The following SPEN variants were observed in gnomAD, a reference collection of about 807,000 sequenced individuals.
SPEN encodes msx2-interacting protein.
Under a neutral mutation model 269.9 loss-of-function variants are expected in SPEN, and 18 were observed. That is an observed-to-expected ratio of 0.07 (90% CI 0.05 to 0.10). The LOEUF is 0.10. Ranked by LOEUF, SPEN falls within the 10% of genes least tolerant of loss-of-function variation. The pLI is 1.00. For missense variants in SPEN, 3,822 were observed against 4,631.2 expected, an observed-to-expected ratio of 0.83 and a Z score of 5.07; for synonymous variants, 1,726 against 1,765.7, an observed-to-expected ratio of 0.98 and a Z score of 0.56.
rs748116033 is a variant in SPEN, at chr1:15,929,918, A to G, written c.3678A>G (p.Lys1226=). The G allele has an allele frequency of 2.5e-6, 4 of 1,614,152 alleles. No individual in the cohort carries two copies. The highest frequency in any genetic ancestry group is 3.4e-6 in the Non-Finnish European group (4 of 1,180,038). ...QDVTDDSPPS[K]KKRMDHVDFD... ...TCACTGATGACTCTCCTCCTAGCAA[A>G]AAGAAAAGGATGGATCATGTCGATT... The change falls in exon 11 of 15, where the codon AAA becomes AAG. Residue 1226 remains lysine, a synonymous_variant. Coordinates refer to ENST00000375759, the MANE Select transcript of SPEN (RefSeq NM_015001.3). This position sits in a 1 kb window ranked among gnomAD's most constrained non-coding sequence, Gnocchi z 5.8.
At position 15,848,468 on chromosome 1, in the gene SPEN, T is replaced by C. The variant is rs1463098664; in HGVS notation, c.83+318T>C. Among the ~76,000 whole-genome samples the C allele has an allele frequency of 1.3e-5, 2 of 150,924 alleles. No individual in the cohort carries two copies. Among genetic ancestry groups the C allele is most frequent in the African/African-American group, 2.4e-5 (1 of 41,022 alleles). Reference sequence around the variant, plus strand: ...GGCTGCCCTCGCGTCAGCCCGGGAGTCGGTGGGAGATGCGCTGGGCGGCGG... The same window carrying C: ...GGCTGCCCTCGCGTCAGCCCGGGAGCCGGTGGGAGATGCGCTGGGCGGCGG... On this transcript the variant is annotated intron_variant, in intron 1 of 14. Coordinates refer to ENST00000375759, the MANE Select transcript of SPEN (RefSeq NM_015001.3). This position sits in a 1 kb window ranked among gnomAD's most constrained non-coding sequence, Gnocchi z 5.1.
Position 15,939,488 on chromosome 1 carries a change from C to CA in SPEN, c.*63dup. On this transcript the variant is annotated 3_prime_UTR_variant, in exon 15 of 15. Transcript: ENST00000375759. This position sits in a 1 kb window ranked among gnomAD's most constrained non-coding sequence, Gnocchi z 4.1. ...AGGGCTCTGCAGTAAAAACAAAGGACAACCCAGCCAAGCAGAGGAAGAAGC... is the reference window on the plus strand; with the variant it reads ...AGGGCTCTGCAGTAAAAACAAAGGACAAACCCAGCCAAGCAGAGGAAGAAGC... 6.8e-7 allele frequency: 1 copy of CA among 1,467,346 alleles called. No individual in the cohort carries two copies. Among genetic ancestry groups the CA allele is most frequent in the Non-Finnish European group, 9.1e-7 (1 of 1,102,948 alleles). The allele number at this position is 1,467,346 out of a possible 1,614,324, so 90.9% of individuals were successfully genotyped here. A position where few individuals can be genotyped will look rare whatever the true frequency, so the allele number is the denominator to read the frequency against.
intron 6 of SPEN, among the ~76,000 whole-genome samples, chr1:15,918,497 G>T (rs2071087238): frequency 6.6e-6 from 1 of 152,264 alleles, no homozygotes; most frequent in Admixed American, 6.5e-5. Flanking sequence ...AGGATTACAG[G>T]CGTGAGCCAC....
chr1:15,927,315 G>C (rs1367553592), intron 10 of SPEN, among the ~76,000 whole-genome samples: 1 of 152,118 alleles, frequency 6.6e-6, no homozygotes, highest in East Asian at 1.9e-4. Flanking sequence ...CTGAGGCCAA[G>C]TACCTGCCTA....
chr1:15,885,209 AT>A (rs575141801), intron 3 of SPEN, among the ~76,000 whole-genome samples: 6 of 149,196 alleles, frequency 4.0e-5, no homozygotes, highest in Non-Finnish European at 3.0e-5. Context: ...GTGATTCTTT[AT>A]TTTTTTTTTG....
intron 3 of SPEN, among the ~76,000 whole-genome samples, chr1:15,901,410 G>A (rs979559012): frequency 6.6e-6 from 1 of 151,570 alleles, no homozygotes; most frequent in Admixed American, 6.6e-5. Context: ...GCCGAGGTCA[G>A]CAGATTGCTT....
At chr1:15,938,639 G>T in intron 13 of SPEN, 79 bp from the exon 14 acceptor site, 1 of 1,357,520 alleles carries the variant, frequency 7.4e-7, no homozygotes, top group Non-Finnish European at 9.8e-7. Flanking sequence ...GGTTTTTGTG[G>T]ACCTGATACT....
At chr1:15,912,819 A>G (rs2071023369) in intron 5 of SPEN, among the ~76,000 whole-genome samples, 1 of 152,170 alleles carries the variant, frequency 6.6e-6, no homozygotes, top group Admixed American at 6.5e-5. Flanking sequence ...AATGTCATAT[A>G]TGTTTCTAGA....
intron 1 of SPEN, among the ~76,000 whole-genome samples, chr1:15,859,358 CT>C (rs143092339): frequency 5.8e-4 from 67 of 115,588 alleles, no homozygotes; most frequent in African/African-American, 6.7e-4. Context: ...TTTTTCTTTT[CT>C]TTTTTTTTTT....
At chr1:15,907,676 A>G (rs2070972877) in intron 3 of SPEN, among the ~76,000 whole-genome samples, 2 of 152,158 alleles carry the variant, frequency 1.3e-5, no homozygotes, top group Admixed American at 1.3e-4. Context: ...TGAGGCCTCT[A>G]TAACATGGGG....
intron 3 of SPEN, among the ~76,000 whole-genome samples, chr1:15,892,518 A>C (rs2070800152): frequency 6.6e-6 from 1 of 152,106 alleles, no homozygotes; most frequent in African/African-American, 2.4e-5. Context: ...TAAATTCCCT[A>C]AACCCTTCTA....
At chr1:15,885,233 G>A (rs1034405855) in intron 3 of SPEN, among the ~76,000 whole-genome samples, 1 of 151,536 alleles carries the variant, frequency 6.6e-6, no homozygotes, top group East Asian at 1.9e-4. Context: ...ATGGAGTCTC[G>A]CTCTGTTGCC....
rs751865407 is a variant in SPEN, at chr1:15,931,717, C to T, written c.5477C>T (p.Thr1826Ile). 1.9e-6 allele frequency: 3 copies of T among 1,614,200 alleles called. No homozygotes were observed. The highest frequency in any genetic ancestry group is 1.7e-5 in the Admixed American group (1 of 60,026). The change falls in exon 11 of 15, where the codon ACC becomes ATC. Residue 1826 changes from threonine (T) to isoleucine (I), a missense_variant. Thr to Ile is a moderately conservative substitution (Grantham distance 89). This residue lies in a region of SPEN where 533 missense variants were observed against 618.8 expected (regional missense o/e 0.86). Coordinates refer to ENST00000375759, the MANE Select transcript of SPEN (RefSeq NM_015001.3). The surrounding 1 kb of genome is among the most constrained non-coding windows in gnomAD (Gnocchi z 4.8). Reference protein sequence around the residue: ...KKPNKSKRSKTPVQAAAVSIV... With the variant: ...KKPNKSKRSKIPVQAAAVSIV... ...CCAAACAAAAGCAAGCGTTCAAAGACCCCTGTTCAGGCAGCTGCAGTGAGT... is the reference window on the plus strand; with the variant it reads ...CCAAACAAAAGCAAGCGTTCAAAGATCCCTGTTCAGGCAGCTGCAGTGAGT...
intron 1 of SPEN, among the ~76,000 whole-genome samples, chr1:15,862,763 C>T (rs1186873708): frequency 4.0e-5 from 6 of 149,860 alleles, no homozygotes; most frequent in Non-Finnish European, 8.9e-5. Flanking sequence ...CCAGCACTTT[C>T]TGCTTTTTTT....
intron 1 of SPEN, among the ~76,000 whole-genome samples, chr1:15,850,975 C>G (rs183886026): frequency 1.2e-4 from 18 of 152,180 alleles, no homozygotes; most frequent in Admixed American, 1.0e-3. Context: ...AAAACGTTTT[C>G]AAGATGAATG....
chr1:15,862,843 G>A (rs760442788), intron 1 of SPEN, among the ~76,000 whole-genome samples: 2 of 151,522 alleles, frequency 1.3e-5, no homozygotes, highest in Non-Finnish European at 1.5e-5. Context: ...CTTACTGTAA[G>A]CTCCGCCTCC....
chr1:15,880,540 C>T (rs1313430843), intron 3 of SPEN, among the ~76,000 whole-genome samples: 1 of 149,196 alleles, frequency 6.7e-6, no homozygotes, highest in East Asian at 2.0e-4. Context: ...ACTGCAACCT[C>T]TGCCTCTCGG....
Position 15,935,715 on chromosome 1 carries a change from G to C in SPEN, c.9475G>C (p.Glu3159Gln), listed in dbSNP as rs781312743. Reference protein sequence around the residue: ...ALASQHPPEEEVHYHLPVARA... With the variant: ...ALASQHPPEEQVHYHLPVARA... ...GGCCTCCCAGCACCCTCCCGAGGAG[G>C]AAGTGCATTATCACCTTCCTGTCGC... The change falls in exon 11 of 15, where the codon GAA becomes CAA. Residue 3159 changes from glutamate to glutamine, a missense_variant. Coordinates refer to ENST00000375759, the MANE Select transcript of SPEN (RefSeq NM_015001.3). The surrounding 1 kb of genome is among the most constrained non-coding windows in gnomAD (Gnocchi z 7.7). 3.7e-6 allele frequency: 6 copies of C among 1,613,460 alleles called. No homozygotes were observed. The Admixed American group carries it at 1.0e-4, about 27-fold the overall frequency.
chr1:15,905,281 G>C (rs1303194909), intron 3 of SPEN, among the ~76,000 whole-genome samples: 1 of 151,814 alleles, frequency 6.6e-6, no homozygotes, highest in Non-Finnish European at 1.5e-5. Context: ...GAGTGCAATG[G>C]CATGATCTCG....
Sources: allele counts gnomAD v4.1 joint callset (sites outside exome capture counted in the v4.1 genomes callset), GRCh38; gene constraint gnomAD v4.1.1; regional missense constraint gnomAD v4.1.1; non-coding constraint Gnocchi (gnomAD v3.1); transcripts MANE v1.5; gene names NCBI Gene and HGNC (gene_info 2026-07-23, HGNC 2026-07-21).